The following GRXCR2 variants were observed in gnomAD, a reference collection of about 807,000 sequenced individuals.
GRXCR2 encodes the protein glutaredoxin and cysteine rich domain containing 2.
Under a neutral mutation model 24.8 loss-of-function variants are expected in GRXCR2, and 23 were observed. The ratio of observed to expected loss-of-function variants is 0.93; its 90% CI spans 0.67 to 1.32. The LOEUF (loss-of-function observed/expected upper bound fraction) is 1.32. Ranked by LOEUF, GRXCR2 falls within the 40% of genes most tolerant of loss-of-function variation. The pLI, the probability that GRXCR2 is intolerant of heterozygous loss-of-function variation, is 0.00. For missense variants in GRXCR2, 315 were observed against 303.4 expected, an observed-to-expected ratio of 1.04 and a Z score of -0.28; for synonymous variants, 130 against 116.1, an observed-to-expected ratio of 1.12 and a Z score of -0.77.
rs150278086 is a variant in GRXCR2 at position 145,898,945 on chromosome 5, G to A, written c.-69-32217C>T. On this transcript the variant is annotated intron_variant, in intron 2 of 3. Coordinates refer to the GRXCR2 transcript ENST00000639411. ...ACGAAAGAAAGAGATAAAAGGCATC[G>A]AAATAGGAAGACAGAAAGTCAAATT... 3.6e-3 allele frequency among the ~76,000 whole-genome samples: 551 copies of A among 152,122 alleles called. 5 individuals are homozygous for A. Among genetic ancestry groups the A allele is most frequent in the African/African-American group, 0.012 (482 of 41,518 alleles).
At chr5:145,878,936 G>A (rs570989073) in intron 2 of GRXCR2, among the ~76,000 whole-genome samples, 132 of 152,254 alleles carry the variant, frequency 8.7e-4, no homozygotes, top group African/African-American at 3.0e-3. Context: ...TTCATATCCA[G>A]CCAAACTAAG....
At chr5:145,903,389 C>A (rs1192200105) in intron 2 of GRXCR2, among the ~76,000 whole-genome samples, 2 of 152,178 alleles carry the variant, frequency 1.3e-5, no homozygotes, top group African/African-American at 2.4e-5. Flanking sequence ...TGGGGCCACC[C>A]TGCTAAGAGG....
At chr5:145,872,097 C>T (rs1014719516) in intron 1 of GRXCR2, among the ~76,000 whole-genome samples, 4 of 152,212 alleles carry the variant, frequency 2.6e-5, no homozygotes, top group Non-Finnish European at 5.9e-5. Context: ...GTTTCACCAT[C>T]CCTTCCCAGG....
chr5:145,865,104 CCTT>C (rs1333258835), intron 2 of GRXCR2, among the ~76,000 whole-genome samples: 1 of 152,130 alleles, frequency 6.6e-6, no homozygotes, highest in Non-Finnish European at 1.5e-5. Context: ...CCAGTCATGA[CCTT>C]CTTGTTCTCA....
intron 2 of GRXCR2, among the ~76,000 whole-genome samples, chr5:145,930,103 G>C (rs562800109): frequency 1.4e-5 from 2 of 144,662 alleles, no homozygotes; most frequent in South Asian, 4.4e-4. Context: ...AATTTTTTTT[G>C]AGACAGAGTC....
At chr5:145,889,292 G>A (rs1323719984) in intron 2 of GRXCR2, among the ~76,000 whole-genome samples, 1 of 152,124 alleles carries the variant, frequency 6.6e-6, no homozygotes, top group Non-Finnish European at 1.5e-5. Context: ...TTGGGGTTGG[G>A]AGGCAAGGGA....
chr5:145,872,632 C>A lies in GRXCR2; in HGVS notation c.336+1G>T. ...GCCTATATGCCATGCACAATACCAA[C>A]CTTATGGTCATTCGCCTTGTAATCG... On this transcript the variant is annotated splice_donor_variant, in intron 1 of 2. Coordinates refer to ENST00000377976, the MANE Select transcript of GRXCR2 (RefSeq NM_001080516.2). LOFTEE classifies it high-confidence loss of function. 6.3e-7 allele frequency: 1 copy of A among 1,593,522 alleles called. No homozygotes were observed. The highest frequency in any genetic ancestry group is 1.1e-5 in the South Asian group (1 of 87,970).
chr5:145,899,919 AAT>A (rs1301320643), intron 2 of GRXCR2, among the ~76,000 whole-genome samples: 1 of 152,180 alleles, frequency 6.6e-6, no homozygotes, highest in Non-Finnish European at 1.5e-5. Context: ...GACCTAATTA[AAT>A]TAAACAGCTC....
At chr5:145,859,962 G>A (rs369701901) in intron 2 of GRXCR2, 47 bp from the exon 3 acceptor site, 59 of 1,469,036 alleles carry the variant, frequency 4.0e-5, no homozygotes, top group African/African-American at 2.4e-4. Flanking sequence ...GTTCAAGTCC[G>A]TTGTTCACAT....
intron 2 of GRXCR2, among the ~76,000 whole-genome samples, chr5:145,860,374 T>C (rs1756315167): frequency 6.6e-6 from 1 of 152,192 alleles, no homozygotes; most frequent in South Asian, 2.1e-4. Context: ...ATTATCCTTG[T>C]GTTGCAGATG....
intron 2 of GRXCR2, among the ~76,000 whole-genome samples, chr5:145,887,438 G>A (rs1249124719): frequency 1.3e-5 from 2 of 152,294 alleles, no homozygotes; most frequent in East Asian, 3.9e-4. Flanking sequence ...CTCCCTAGAG[G>A]ACATTATGGA....
intron 2 of GRXCR2, among the ~76,000 whole-genome samples, chr5:145,894,532 G>C (rs1275881001): frequency 6.6e-6 from 1 of 152,178 alleles, no homozygotes; most frequent in Non-Finnish European, 1.5e-5. Context: ...AGAAAATCTA[G>C]AAGAAATGCA....
At chr5:145,918,493 GA>G (rs1436806728) in intron 2 of GRXCR2, among the ~76,000 whole-genome samples, 1 of 152,232 alleles carries the variant, frequency 6.6e-6, no homozygotes, top group Non-Finnish European at 1.5e-5. Flanking sequence ...GAAGGACTGA[GA>G]GTTCTCACAA....
At chr5:145,858,238 C>T (rs541627538), downstream of GRXCR2, among the ~76,000 whole-genome samples, 4 of 147,578 alleles carry the variant, frequency 2.7e-5, no homozygotes, top group African/African-American at 5.0e-5. Context: ...CGCTGGAAGC[C>T]GGGAGGCAGA....
intron 2 of GRXCR2, among the ~76,000 whole-genome samples, chr5:145,919,058 G>A (rs1403120460): frequency 6.6e-6 from 1 of 152,194 alleles, no homozygotes; most frequent in East Asian, 1.9e-4. Flanking sequence ...CACAGGGACT[G>A]AGCATCTGTT....
chr5:145,879,842 T>A (rs1756673698), intron 2 of GRXCR2, among the ~76,000 whole-genome samples: 1 of 152,084 alleles, frequency 6.6e-6, no homozygotes, highest in Admixed American at 6.5e-5. Context: ...TCACAAACTG[T>A]CTCTCAGATC....
chr5:145,929,198 C>CATATATATATATATATAGAT (rs1554107328), intron 2 of GRXCR2, among the ~76,000 whole-genome samples: 1 of 88,422 alleles, frequency 1.1e-5, no homozygotes, highest in Non-Finnish European at 2.1e-5. Context: ...AATATTCCCC[C>CATATATATATATATATAGAT]CTATATATAT....
At chr5:145,907,758 T>C (rs1046074100) in intron 2 of GRXCR2, among the ~76,000 whole-genome samples, 1 of 152,046 alleles carries the variant, frequency 6.6e-6, no homozygotes, top group African/African-American at 2.4e-5. Flanking sequence ...GAATAGGTAT[T>C]GGGGACAGAG....
At chr5:145,887,382 A>G (rs1353972071) in intron 2 of GRXCR2, among the ~76,000 whole-genome samples, 3 of 152,244 alleles carry the variant, frequency 2.0e-5, no homozygotes, top group Non-Finnish European at 4.4e-5. Context: ...ACTTGTCGCT[A>G]CCCTATTAGA....
Sources: gnomAD v4.1 joint callset for allele counts (sites outside exome capture counted in the v4.1 genomes callset) on GRCh38, gnomAD v4.1.1 for gene constraint, MANE v1.5 for transcripts, NCBI Gene and HGNC (gene_info 2026-07-23, HGNC 2026-07-21) for gene names.